BPIFA3: variants seen among roughly 807,000 people sequenced by gnomAD.
The protein encoded by BPIFA3 is BPI fold containing family A member 3.
Under a neutral mutation model 29.7 loss-of-function variants are expected in BPIFA3, and 32 were observed. The observed-to-expected ratio is 1.08, with a 90% confidence interval of 0.81 to 1.45. BPIFA3 has a LOEUF of 1.45. Ranked by LOEUF, BPIFA3 falls within the 40% of genes most tolerant of loss-of-function variation. The probability of loss-of-function intolerance (pLI) is 0.00; values close to 1 mark genes in which losing one functional copy is unlikely to be tolerated. For synonymous variants in BPIFA3, 112 were observed against 113.7 expected, an observed-to-expected ratio of 0.98 and a Z score of 0.10; for missense variants, 323 against 311.3, an observed-to-expected ratio of 1.04 and a Z score of -0.28.
At chr20:33,226,526 T>G (rs1014694323) in intron 5 of BPIFA3, 36 bp downstream of exon 5, 1 of 1,434,824 alleles carries the variant, frequency 7.0e-7, no homozygotes, top group Non-Finnish European at 9.8e-7. Flanking sequence ...TTGAGCATCC[T>G]TGAGTCCGAG....
intron 4 of BPIFA3, chr20:33,226,018 C>T (rs948242808): frequency 1.2e-4 from 24 of 195,814 alleles, no homozygotes; most frequent in Non-Finnish European, 1.8e-4. Context: ...ACTGTAAGTC[C>T]CTTGAAGGCA....
chr20:33,225,835 G>A (rs765728515), intron 4 of BPIFA3: 24 of 158,724 alleles, frequency 1.5e-4, no homozygotes, highest in Non-Finnish European at 2.5e-4. Flanking sequence ...TGGAATGCCC[G>A]TCCCATCTTC....
At chr20:33,219,669 A>G (rs1430379103) in intron 1 of BPIFA3, among the ~76,000 whole-genome samples, 1 of 152,224 alleles carries the variant, frequency 6.6e-6, no homozygotes, top group African/African-American at 2.4e-5. Context: ...ATGAGGATTC[A>G]CTGCTGAACT....
At position 33,217,678 on chromosome 20, in the gene BPIFA3, G is replaced by A. The variant is rs374760320; in HGVS notation, c.127+15G>A. On this transcript the variant is annotated intron_variant, in intron 1 of 6. Transcript: ENST00000375454. ...CCTGGCAAGAAGTAAGCTAAGCCCC[G>A]GGCTCTGCCTGCTGCCTACGGGGCT... is the stretch of plus-strand genomic sequence containing the variant. The A allele has an allele frequency of 1.5e-5, 24 of 1,609,708 alleles. No individual in the cohort carries two copies. The highest frequency in any genetic ancestry group is 1.1e-4 in the African/African-American group (8 of 74,632).
intron 4 of BPIFA3, 81 bp downstream of exon 4, chr20:33,225,328 C>G: frequency 6.3e-7 from 1 of 1,586,752 alleles, no homozygotes; most frequent in East Asian, 2.2e-5. Flanking sequence ...CTGACCGTCT[C>G]CTAAATTAGT....
At chr20:33,222,535 A>C (rs114562994) in intron 1 of BPIFA3, among the ~76,000 whole-genome samples, 1,980 of 151,068 alleles carry the variant, frequency 0.013, 54 homozygotes, top group African/African-American at 0.043. Flanking sequence ...TAAATGGATA[A>C]ATGGATGGAT....
At chr20:33,220,926 G>A (rs951621903) in intron 1 of BPIFA3, among the ~76,000 whole-genome samples, 2 of 152,066 alleles carry the variant, frequency 1.3e-5, no homozygotes, top group African/African-American at 4.8e-5. Context: ...TGGGTTTTTG[G>A]AATATAGTGT....
In BPIFA3 at chr20:33,226,439, C is replaced by A; in HGVS notation, c.570C>A (p.Tyr190Ter). Residue 190 changes from tyrosine to a stop codon, truncating the protein, a stop_gained, in exon 5 of 7, where the codon TAC becomes TAA. Coordinates refer to ENST00000375454, the MANE Select transcript of BPIFA3 (RefSeq NM_178466.5). LOFTEE classifies it high-confidence loss of function. ...CACCAAAGATGAATCAGTTTCTCTA[C>A]AACCTCAAAGAGAATCTGCAAAAAG... ...AIPPKMNQFL[Y>*]NLKENLQKVL... 6.2e-7 allele frequency: 1 copy of A among 1,613,058 alleles called. No individual in the cohort carries two copies. The highest frequency in any genetic ancestry group is 8.5e-7 in the Non-Finnish European group (1 of 1,179,448).
At chr20:33,224,795 A>G (rs993155114) in intron 3 of BPIFA3, among the ~76,000 whole-genome samples, 2 of 152,254 alleles carry the variant, frequency 1.3e-5, no homozygotes, top group Admixed American at 6.5e-5. Flanking sequence ...ATCCTTTGAC[A>G]TCCACTGCCC....
At position 33,227,710 on chromosome 20, in the gene BPIFA3, CTG is replaced by C; in HGVS notation, c.*96_*97del. On this transcript the variant is annotated 3_prime_UTR_variant, in exon 7 of 7. Transcript: ENST00000375454. ...TACCCTAAAAACTTTACCCCAGGCTCTGTGGACATACCATCCTCTCCTACAAT... is the reference window on the plus strand; with the variant it reads ...TACCCTAAAAACTTTACCCCAGGCTCTGGACATACCATCCTCTCCTACAAT... The C allele has an allele frequency of 9.8e-7, 1 of 1,022,154 alleles. No individual in the cohort carries two copies. Among genetic ancestry groups the C allele is most frequent in the Non-Finnish European group, 1.5e-6 (1 of 665,414 alleles). 63.3% of individuals were successfully genotyped at this position (1,022,154 alleles called of 1,614,324 possible). A position where few individuals can be genotyped will look rare whatever the true frequency, so the allele number is the denominator to read the frequency against.
rs750586951 is a variant in BPIFA3 at position 33,224,406 on chromosome 20, C to T, written c.330C>T (p.Phe110=). The change falls in exon 3 of 7, where the codon TTC becomes TTT. Residue 110 remains phenylalanine (F), a synonymous_variant. Coordinates refer to ENST00000375454, the MANE Select transcript of BPIFA3 (RefSeq NM_178466.5). ...ACTGTGGTGGGATCCAGATATCATT[C>T]CATAAGGAGTGGTTCTCGGCAAATA... ...QLDCGGIQIS[F]HKEWFSANIS... 5 of 1,614,178 alleles carry T rather than the reference C, an allele frequency of 3.1e-6. No homozygotes were observed. Among genetic ancestry groups the T allele is most frequent in the Non-Finnish European group, 4.2e-6 (5 of 1,180,002 alleles).
intron 1 of BPIFA3, among the ~76,000 whole-genome samples, chr20:33,222,635 AATGGATGGATGG>A (rs34210730): frequency 1.9e-5 from 2 of 104,316 alleles, no homozygotes; most frequent in African/African-American, 1.1e-4. Flanking sequence ...TGAGCGGATG[AATGGATGGATGG>A]ATGGATGGAT....
chr20:33,226,520 G>C (rs771800583), intron 5 of BPIFA3, 30 bp downstream of exon 5: 1 of 1,460,250 alleles, frequency 6.8e-7, no homozygotes, highest in East Asian at 2.3e-5. Flanking sequence ...TGCATCTTGA[G>C]CATCCTTGAG....
chr20:33,224,196 G>A (rs894760164), intron 2 of BPIFA3, among the ~76,000 whole-genome samples, 159 bp from the exon 3 acceptor site: 7 of 152,176 alleles, frequency 4.6e-5, no homozygotes, highest in Admixed American at 1.3e-4. Context: ...CAGGGCTCCC[G>A]CACCTGACTC....
Position 33,226,495 on chromosome 20 carries a change from GT to G in BPIFA3, c.621+8del, listed in dbSNP as rs1362790085. On this transcript the variant is annotated splice_donor_region_variant and intron_variant, in intron 5 of 6. Coordinates refer to ENST00000375454, the MANE Select transcript of BPIFA3 (RefSeq NM_178466.5). ...CCACACATGGTAGAAAGTCAGGTAA[GT>G]TTAGAAAAAACTTTGCATCTTGAGC... 2 of 1,597,014 alleles carry G rather than the reference GT, an allele frequency of 1.3e-6. No individual in the cohort carries two copies. Among genetic ancestry groups the G allele is most frequent in the South Asian group, 2.2e-5 (2 of 89,464 alleles).
intron 1 of BPIFA3, among the ~76,000 whole-genome samples, chr20:33,221,600 T>C (rs1273270925): frequency 6.6e-6 from 1 of 152,204 alleles, no homozygotes; most frequent in Non-Finnish European, 1.5e-5. Flanking sequence ...CGTCTTTCTG[T>C]TTTTAAATTT....
chr20:33,221,529 C>A (rs942557695), intron 1 of BPIFA3, among the ~76,000 whole-genome samples: 8 of 152,322 alleles, frequency 5.3e-5, no homozygotes, highest in African/African-American at 1.9e-4. Flanking sequence ...ATGTAACTTT[C>A]TTTTCTTGGT....
intron 1 of BPIFA3, among the ~76,000 whole-genome samples, chr20:33,218,338 CCT>C (rs1985356503): frequency 6.6e-6 from 1 of 152,218 alleles, no homozygotes; most frequent in Admixed American, 6.5e-5. Context: ...CTGCCAGAAT[CCT>C]CTCTAGAATG....
intron 1 of BPIFA3, among the ~76,000 whole-genome samples, chr20:33,219,617 C>A (rs915847867): frequency 6.6e-6 from 1 of 152,202 alleles, no homozygotes; most frequent in Non-Finnish European, 1.5e-5. Flanking sequence ...CCATATGACT[C>A]AGTTTCCCCA....
Sources: gnomAD v4.1 joint callset for allele counts (sites outside exome capture counted in the v4.1 genomes callset) on GRCh38, gnomAD v4.1.1 for gene constraint, MANE v1.5 for transcripts, NCBI Gene and HGNC (gene_info 2026-07-23, HGNC 2026-07-21) for gene names.